The following STXBP6 variants were observed in gnomAD, a reference collection of about 807,000 sequenced individuals.
The protein encoded by STXBP6 is syntaxin binding protein 6.
A neutral mutation model predicts 26.9 loss-of-function variants in STXBP6; 21 were observed. The observed-to-expected ratio is 0.78, with a 90% CI of 0.55 to 1.12. The LOEUF is 1.12. STXBP6 is among the 50% of genes most tolerant of loss of function. The pLI is 0.00. For missense variants in STXBP6, 232 were observed against 257.9 expected (o/e 0.90, Z 0.69); for synonymous variants, 97 against 92.6 (o/e 1.05, Z -0.27).
intron 1 of STXBP6, among the ~76,000 whole-genome samples, chr14:25,021,650 C>T (rs2075265318): frequency 6.6e-6 from 1 of 152,186 alleles, no homozygotes; most frequent in Non-Finnish European, 1.5e-5. Context: ...TCCCTGAAAA[C>T]TCCTTACCTT....
intron 2 of STXBP6, among the ~76,000 whole-genome samples, chr14:24,962,131 C>A (rs961006408): frequency 6.6e-6 from 1 of 152,046 alleles, no homozygotes; most frequent in African/African-American, 2.4e-5. Flanking sequence ...ATGCACAGTA[C>A]CCTTATATAC....
chr14:24,878,389 C>T (rs187271998), intron 2 of STXBP6, among the ~76,000 whole-genome samples: 26 of 152,104 alleles, frequency 1.7e-4, no homozygotes, highest in African/African-American at 3.1e-4. Context: ...AGTAGGGTCA[C>T]GTATGCATTC....
chr14:24,996,731 T>G (rs924201617), intron 1 of STXBP6, among the ~76,000 whole-genome samples: 1 of 151,432 alleles, frequency 6.6e-6, no homozygotes, highest in African/African-American at 2.4e-5. Context: ...GGCACGTGCC[T>G]GTGATCCCAG....
intron 5 of STXBP6, among the ~76,000 whole-genome samples, chr14:24,815,449 T>G (rs971819852): frequency 6.7e-6 from 1 of 149,802 alleles, no homozygotes; most frequent in African/African-American, 2.4e-5. Flanking sequence ...ATGTATTTTA[T>G]TTTTTATAAT....
chr14:24,859,924 C>T (rs746536333), intron 2 of STXBP6, among the ~76,000 whole-genome samples: 1 of 152,198 alleles, frequency 6.6e-6, no homozygotes, highest in African/African-American at 2.4e-5. Context: ...ATGGGGGCAA[C>T]CCAATTCAGG....
At chr14:24,820,356 G>C (rs1427797938) in intron 4 of STXBP6, among the ~76,000 whole-genome samples, 1 of 152,180 alleles carries the variant, frequency 6.6e-6, no homozygotes, top group Non-Finnish European at 1.5e-5. Context: ...CTCAGGCAAA[G>C]AAAGTGCCTG....
At chr14:24,910,927 T>C (rs1363318813) in intron 2 of STXBP6, among the ~76,000 whole-genome samples, 1 of 152,122 alleles carries the variant, frequency 6.6e-6, no homozygotes, top group Non-Finnish European at 1.5e-5. Context: ...ACGGTGGTGG[T>C]ATGGTTTTAG....
intron 2 of STXBP6, among the ~76,000 whole-genome samples, chr14:24,948,037 T>C (rs2140036011): frequency 6.6e-6 from 1 of 152,330 alleles, no homozygotes; most frequent in East Asian, 1.9e-4. Context: ...AGTCTCCATA[T>C]GCAGTATCCT....
intron 2 of STXBP6, among the ~76,000 whole-genome samples, chr14:24,867,800 A>C (rs1821573521): frequency 6.6e-6 from 1 of 152,208 alleles, no homozygotes; most frequent in African/African-American, 2.4e-5. Context: ...CAATTTATGA[A>C]ATATAAAGTT....
chr14:24,867,415 TAAA>T (rs2069762726), intron 2 of STXBP6, among the ~76,000 whole-genome samples: 2 of 152,004 alleles, frequency 1.3e-5, no homozygotes, highest in Admixed American at 1.3e-4. Flanking sequence ...ATCAAGACAA[TAAA>T]CTAATCAGGA....
chr14:24,971,828 G>A (rs2073914905), intron 2 of STXBP6, among the ~76,000 whole-genome samples: 1 of 152,008 alleles, frequency 6.6e-6, no homozygotes, highest in Non-Finnish European at 1.5e-5. Flanking sequence ...TTTTAGTGAT[G>A]GATTAATGTC....
intron 4 of STXBP6, among the ~76,000 whole-genome samples, chr14:24,849,971 G>A (rs1392830523): frequency 6.6e-6 from 1 of 152,018 alleles, no homozygotes; most frequent in African/African-American, 2.4e-5. Flanking sequence ...GGAGTGTGAG[G>A]TTCACACTCC....
At chr14:24,830,013 C>T (rs1281158906) in intron 4 of STXBP6, among the ~76,000 whole-genome samples, 4 of 151,946 alleles carry the variant, frequency 2.6e-5, no homozygotes, top group African/African-American at 7.3e-5. Flanking sequence ...TATCTGAAGA[C>T]GTAAGCTGTG....
intron 2 of STXBP6, among the ~76,000 whole-genome samples, chr14:24,873,572 T>C (rs2070020094): frequency 6.6e-6 from 1 of 152,132 alleles, no homozygotes; most frequent in African/African-American, 2.4e-5. Context: ...TCTAATGAAA[T>C]GAACAATGAG....
Position 24,937,267 on chromosome 14 carries a change from C to T in STXBP6, c.154+37398G>A, listed in dbSNP as rs534606946. Reference sequence around the variant, plus strand: ...CAAACCTGCACGTTCTGCACACGTACCCCAGAATTTAAAATATAATTTAAA... The same window carrying T: ...CAAACCTGCACGTTCTGCACACGTATCCCAGAATTTAAAATATAATTTAAA... On this transcript the variant is annotated intron_variant, in intron 2 of 5. Transcript: ENST00000323944. Among the ~76,000 whole-genome samples, 60 of 152,196 alleles carry T rather than the reference C, an allele frequency of 3.9e-4. 3 individuals are homozygous for T. The South Asian group carries it at 0.011, about 27-fold the overall frequency.
chr14:24,941,632 G>C (rs2139992613), intron 2 of STXBP6, among the ~76,000 whole-genome samples: 1 of 152,310 alleles, frequency 6.6e-6, no homozygotes, highest in Admixed American at 6.5e-5. Flanking sequence ...CCAGAGTTTT[G>C]ACTTCTGTCC....
At chr14:24,862,240 C>T (rs2069567319) in intron 2 of STXBP6, among the ~76,000 whole-genome samples, 1 of 152,140 alleles carries the variant, frequency 6.6e-6, no homozygotes, top group Non-Finnish European at 1.5e-5. Context: ...TCCAGTGATC[C>T]TCCCACCTTG....
chr14:24,915,439 C>T (rs17109307), intron 2 of STXBP6, among the ~76,000 whole-genome samples: 53,113 of 151,862 alleles, frequency 0.35, 9,996 homozygotes, highest in African/African-American at 0.5. Context: ...TTATGATTAC[C>T]ATTGTAGTTG....
intron 2 of STXBP6, among the ~76,000 whole-genome samples, chr14:24,882,434 A>G (rs992245624): frequency 1.1e-4 from 16 of 144,372 alleles, no homozygotes; most frequent in Admixed American, 2.8e-4. Context: ...TCCCATACCT[A>G]AGGGACTTGG....
Sources: allele counts gnomAD v4.1 joint callset (sites outside exome capture counted in the v4.1 genomes callset), GRCh38; gene constraint gnomAD v4.1.1; transcripts MANE v1.5; gene names NCBI Gene and HGNC (gene_info 2026-07-23, HGNC 2026-07-21).